ZNF516: variants seen among roughly 807,000 people sequenced by gnomAD.
ZNF516 encodes the protein zinc finger protein 516.
In ZNF516, 19 loss-of-function variants were observed where a neutral mutation model predicts 79.7. That is an observed-to-expected ratio of 0.24 (90% CI 0.17 to 0.35). The LOEUF (loss-of-function observed/expected upper bound fraction) is 0.35. Among genes scored for constraint, ZNF516 ranks in the 10% least tolerant of loss-of-function variants. ZNF516 has a pLI of 1.00. For missense variants in ZNF516, 1,678 were observed against 1,679.5 expected (o/e 1.00, Z 0.02); for synonymous variants, 877 against 739.5 (o/e 1.19, Z -3.02).
chr18:76,428,694 G>A (rs541788223), intron 3 of ZNF516, among the ~76,000 whole-genome samples: 8 of 152,294 alleles, frequency 5.3e-5, no homozygotes, highest in East Asian at 3.9e-4. Context: ...CTACACATAC[G>A]CTTACACAAG....
Position 76,459,010 on chromosome 18 carries a change from CTG to C in ZNF516, c.-158+4016_-158+4017del, listed in dbSNP as rs1912926793. On this transcript the variant is annotated intron_variant, in intron 2 of 6. Coordinates refer to ENST00000443185, the MANE Select transcript of ZNF516 (RefSeq NM_014643.4). The surrounding 1 kb of genome is among the most constrained non-coding windows in gnomAD (Gnocchi z 5.0). ...TGTGCCCGAGGGTGTGTGTGTGTGT[CTG>C]AGAGAGCACATGTGTGTGATCTCTT... Among the ~76,000 whole-genome samples the C allele has an allele frequency of 6.6e-6, 1 of 152,114 alleles. No homozygotes were observed. Among genetic ancestry groups the C allele is most frequent in the African/African-American group, 2.4e-5 (1 of 41,416 alleles).
chr18:76,475,050 C>A (rs972270359), intron 1 of ZNF516, among the ~76,000 whole-genome samples: 2 of 152,162 alleles, frequency 1.3e-5, no homozygotes, highest in Admixed American at 6.5e-5. Context: ...TTTTAAGAAA[C>A]AACTCATATA....
intron 3 of ZNF516, among the ~76,000 whole-genome samples, chr18:76,402,712 G>A (rs1057035266): frequency 6.6e-6 from 1 of 152,244 alleles, no homozygotes; most frequent in African/African-American, 2.4e-5. Flanking sequence ...TGACTTGACA[G>A]GTCTGACTCT....
chr18:76,369,959 G>A (rs952969121), intron 6 of ZNF516, among the ~76,000 whole-genome samples: 4 of 152,178 alleles, frequency 2.6e-5, no homozygotes, highest in Middle Eastern at 3.2e-3. Flanking sequence ...GCTAGTGCCA[G>A]GGTCCCACAC....
chr18:76,406,489 G>A (rs527357705), intron 3 of ZNF516, among the ~76,000 whole-genome samples: 17 of 152,336 alleles, frequency 1.1e-4, no homozygotes, highest in South Asian at 4.1e-4. Context: ...GCTTGAACCC[G>A]GGAGACGGAG....
At chr18:76,376,954 T>C (rs1212483023) in intron 4 of ZNF516, among the ~76,000 whole-genome samples, 1 of 152,222 alleles carries the variant, frequency 6.6e-6, no homozygotes, top group Admixed American at 6.5e-5. Context: ...CAGCCTTCTC[T>C]GCTTTGGGTT....
intron 2 of ZNF516, among the ~76,000 whole-genome samples, chr18:76,445,450 G>A (rs1911986023): frequency 6.6e-6 from 1 of 152,080 alleles, no homozygotes; most frequent in Admixed American, 6.6e-5. Flanking sequence ...GGAAAGCCTC[G>A]TCCTTCCCCA....
At position 76,442,385 on chromosome 18, in the gene ZNF516, T is replaced by A. The variant is rs1258328538; in HGVS notation, c.670A>T (p.Ile224Phe). The A allele has an allele frequency of 6.2e-7, 1 of 1,608,922 alleles. No individual in the cohort carries two copies. Among genetic ancestry groups the A allele is most frequent in the Non-Finnish European group, 8.5e-7 (1 of 1,179,592 alleles). Residue 224 changes from isoleucine to phenylalanine, a missense_variant, in exon 3 of 7, where the codon ATC becomes TTC. Transcript: ENST00000443185. ...SLLSHIERDHITAQGPGSGEA... is the reference protein window; with the variant it reads ...SLLSHIERDHFTAQGPGSGEA... The stretch of plus-strand genomic sequence containing the variant: ...CCGCTGCCGGGCCCCTGCGCGGTGA[T>A]GTGGTCCCTCTCGATGTGGCTCAGC...
rs886905998 is a variant in ZNF516, at chr18:76,359,897, C to G, written c.*2601G>C. The G allele has an allele frequency of 2.6e-5, 4 of 152,162 alleles. No homozygotes were observed. The highest frequency in any genetic ancestry group is 9.7e-5 in the African/African-American group (4 of 41,432). The allele number at this position is 152,162 out of a possible 1,614,324, so 9.4% of individuals were successfully genotyped here. Reference sequence around the variant, plus strand: ...ACACAAATCATATTAAATACTATGACCAAATCAACAAATTAACAAACCAAC... The same window carrying G: ...ACACAAATCATATTAAATACTATGAGCAAATCAACAAATTAACAAACCAAC... On this transcript the variant is annotated 3_prime_UTR_variant, in exon 7 of 7. Transcript: ENST00000443185.
chr18:76,413,902 G>T (rs1461454584), intron 3 of ZNF516, among the ~76,000 whole-genome samples: 1 of 152,126 alleles, frequency 6.6e-6, no homozygotes, highest in Non-Finnish European at 1.5e-5. Context: ...TATTTAAAAG[G>T]TTTCGTTAAA....
chr18:76,382,085 T>A (rs956417415), intron 3 of ZNF516, among the ~76,000 whole-genome samples: 2 of 152,044 alleles, frequency 1.3e-5, no homozygotes, highest in South Asian at 2.1e-4. Context: ...TGAGCTGACA[T>A]CACGCCACTG....
intron 3 of ZNF516, among the ~76,000 whole-genome samples, chr18:76,381,538 A>G (rs1466287503): frequency 2.0e-5 from 3 of 152,180 alleles, no homozygotes; most frequent in African/African-American, 7.2e-5. Flanking sequence ...TTCTAAGTGT[A>G]TATTTGGAGA....
At chr18:76,403,470 C>T (rs1329185634) in intron 3 of ZNF516, among the ~76,000 whole-genome samples, 1 of 152,186 alleles carries the variant, frequency 6.6e-6, no homozygotes. Context: ...TGTGCAGTCA[C>T]ACACGCATTC....
At chr18:76,428,384 TTC>T (rs2075621500) in intron 3 of ZNF516, among the ~76,000 whole-genome samples, 1 of 103,998 alleles carries the variant, frequency 9.6e-6, no homozygotes, top group African/African-American at 3.6e-5. Flanking sequence ...CAGAGTGAGA[TTC>T]TGTCTCAAAA....
At chr18:76,426,765 G>A (rs1229259110) in intron 3 of ZNF516, among the ~76,000 whole-genome samples, 2 of 152,226 alleles carry the variant, frequency 1.3e-5, no homozygotes, top group African/African-American at 2.4e-5. Context: ...TTCACTGGAA[G>A]GAGTGGAAAT....
intron 6 of ZNF516, 23 bp from the exon 7 acceptor site, chr18:76,362,580 C>T (rs1487793351): frequency 1.2e-6 from 2 of 1,600,484 alleles, no homozygotes; most frequent in Admixed American, 1.7e-5. Context: ...AAGGAAAGAA[C>T]AGGAGAAAAG....
upstream of ZNF516, chr18:76,496,169 C>CGGGGGG: frequency 1.4e-6 from 1 of 735,634 alleles, no homozygotes. Flanking sequence ...CGCGCGGGGG[C>CGGGGGG]GGGGGAGGGG....
At chr18:76,436,402 A>G (rs1026368145) in intron 3 of ZNF516, among the ~76,000 whole-genome samples, 2 of 151,660 alleles carry the variant, frequency 1.3e-5, no homozygotes, top group African/African-American at 4.8e-5. Flanking sequence ...TTGGTCCACA[A>G]CCTCTTTCTT....
chr18:76,468,058 A>G (rs1174172417), intron 1 of ZNF516, among the ~76,000 whole-genome samples: 6 of 152,212 alleles, frequency 3.9e-5, no homozygotes, highest in Admixed American at 3.9e-4. Flanking sequence ...GCCCGTGCCT[A>G]TTCTGTGAAC....
Sources: allele counts gnomAD v4.1 joint callset (sites outside exome capture counted in the v4.1 genomes callset), GRCh38; gene constraint gnomAD v4.1.1; non-coding constraint Gnocchi (gnomAD v3.1); transcripts MANE v1.5; gene names NCBI Gene and HGNC (gene_info 2026-07-23, HGNC 2026-07-21).